The following COL4A5 variants were observed in gnomAD, a reference collection of about 807,000 sequenced individuals.
COL4A5 encodes collagen alpha-5(IV) chain.
Under a neutral mutation model 130.2 loss-of-function variants are expected in COL4A5, and 26 were observed. The ratio of observed to expected loss-of-function variants is 0.20; its 90% CI spans 0.15 to 0.28. The LOEUF (loss-of-function observed/expected upper bound fraction) is 0.28, where lower values mean the gene tolerates loss of function less well. Among genes scored for constraint, COL4A5 ranks in the 10% least tolerant of loss-of-function variants. The probability of loss-of-function intolerance (pLI) is 1.00; values close to 1 mark genes in which losing one functional copy is unlikely to be tolerated. For synonymous variants in COL4A5, 496 were observed against 439.6 expected (o/e 1.13, Z -1.60); for missense variants, 1,131 against 1,344.3 (o/e 0.84, Z 2.48).
rs367915851 is a variant in COL4A5, at chrX:108,647,301, C to T, written c.3247-8030C>T. ...CTCCTTGAAGAGGTCCTTCACATCC[C>T]TTGTAAGTTGGATTCCTAGGTATTT... is the stretch of plus-strand genomic sequence containing the variant. On this transcript the variant is annotated intron_variant, in intron 36 of 52. Transcript: ENST00000328300. Among the ~76,000 whole-genome samples, 656 of 111,299 alleles carry T rather than the reference C, an allele frequency of 5.9e-3. 2 individuals carry two copies. The highest frequency in any genetic ancestry group is 0.036 in the East Asian group (126 of 3,525).
chrX:108,657,635 A>G (rs746222239), intron 37 of COL4A5, among the ~76,000 whole-genome samples: 11 of 111,395 alleles, frequency 9.9e-5, no homozygotes, highest in Non-Finnish European at 1.5e-4. Context: ...CTCTCCATTT[A>G]TGTAGGTATT....
In COL4A5 at chrX:108,597,075, T is replaced by G. The variant is rs1433522213; in HGVS notation, c.1587+7T>G. The G allele has an allele frequency of 8.5e-7, 1 of 1,177,804 alleles. No individual in the cohort carries two copies. The highest frequency in any genetic ancestry group is 1.8e-5 in the South Asian group (1 of 54,105). ...TGGTCCCAAAGGATTACCAGTAAGT[T>G]TTGAGTATATTATAAAACAAAAAGA... On this transcript the variant is annotated splice_region_variant and intron_variant, in intron 23 of 52. Coordinates refer to ENST00000328300, the MANE Select transcript of COL4A5 (RefSeq NM_033380.3).
intron 47 of COL4A5, among the ~76,000 whole-genome samples, chrX:108,684,007 A>C (rs1443950737): frequency 9.0e-6 from 1 of 111,583 alleles, no homozygotes; most frequent in East Asian, 2.8e-4. Context: ...CATGCTCCTG[A>C]ATGACTACTG....
intron 1 of COL4A5, among the ~76,000 whole-genome samples, chrX:108,517,838 AT>A (rs1341825505): frequency 3.6e-5 from 4 of 110,558 alleles, no homozygotes; most frequent in East Asian, 2.8e-4. Context: ...TTTTCTAAGC[AT>A]TTTTTTTCTC....
intron 36 of COL4A5, among the ~76,000 whole-genome samples, chrX:108,653,439 A>T (rs1013806765): frequency 9.9e-5 from 11 of 111,019 alleles, no homozygotes; most frequent in African/African-American, 3.6e-4. Flanking sequence ...TGTTTATAGC[A>T]TGGATATGCT....
At chrX:108,574,451 A>G (rs189631870) in intron 9 of COL4A5, among the ~76,000 whole-genome samples, 1 of 111,981 alleles carries the variant, frequency 8.9e-6, no homozygotes, top group Non-Finnish European at 1.9e-5. Context: ...AGTGAACAAC[A>G]TTTAAGAGCT....
chrX:108,537,492 T>C (rs2065472769), intron 1 of COL4A5, among the ~76,000 whole-genome samples: 1 of 111,507 alleles, frequency 9.0e-6, no homozygotes, highest in African/African-American at 3.3e-5. Context: ...TAAATTATAT[T>C]AGGAGTTAGG....
chrX:108,586,470 G>C, intron 18 of COL4A5, 145 bp from the exon 19 acceptor site: 2 of 534,664 alleles, frequency 3.7e-6, no homozygotes, highest in Non-Finnish European at 6.3e-6. Context: ...CTAATCAGTT[G>C]GAGGATGGGA....
At chrX:108,605,407 TACA>T (rs2066713517) in intron 28 of COL4A5, among the ~76,000 whole-genome samples, 1 of 111,708 alleles carries the variant, frequency 9.0e-6, no homozygotes, top group South Asian at 3.8e-4. Context: ...GTCAGACATT[TACA>T]ACATTTTTTT....
At chrX:108,481,092 C>T (rs2147526424) in intron 1 of COL4A5, among the ~76,000 whole-genome samples, 1 of 110,754 alleles carries the variant, frequency 9.0e-6, no homozygotes, top group African/African-American at 3.3e-5. Flanking sequence ...GTCTGGGGAC[C>T]CTCTGGAACC....
chrX:108,584,530 G>T lies in COL4A5; in HGVS notation c.1032+5G>T, dbSNP rs104886315. 2 of 974,150 alleles carry T rather than the reference G, an allele frequency of 2.1e-6. No homozygotes were observed. The highest frequency in any genetic ancestry group is 2.0e-5 in the African/African-American group (1 of 48,785). The allele number at this position is 974,150 out of a possible 1,213,427, so 80.3% of individuals were successfully genotyped here. On this transcript the variant is annotated splice_donor_5th_base_variant and intron_variant, in intron 18 of 52. Coordinates refer to ENST00000328300, the MANE Select transcript of COL4A5 (RefSeq NM_033380.3). ...CCACCTGGACCTCCTGGACTTGTAA[G>T]TTTTTTTTTTTTAGTCTTCGTTTAT...
At chrX:108,573,798 A>T in intron 9 of COL4A5, 144 bp downstream of exon 9, 1 of 474,690 alleles carries the variant, frequency 2.1e-6, no homozygotes, top group East Asian at 3.7e-5. Flanking sequence ...TTCTACCTGA[A>T]AATAAAAGCA....
chrX:108,533,953 T>A (rs1475033067), intron 1 of COL4A5, among the ~76,000 whole-genome samples: 1 of 111,266 alleles, frequency 9.0e-6, no homozygotes, highest in East Asian at 2.8e-4. Context: ...TCAACATCGC[T>A]AATCATCAGA....
chrX:108,688,726 C>T (rs2068594944), intron 49 of COL4A5, among the ~76,000 whole-genome samples: 1 of 111,695 alleles, frequency 9.0e-6, no homozygotes, highest in Non-Finnish European at 1.9e-5. Flanking sequence ...TGAGCCACCG[C>T]ACCTGGCAGG....
chrX:108,622,266 G>A (rs1603297974), intron 32 of COL4A5, among the ~76,000 whole-genome samples: 2 of 110,805 alleles, frequency 1.8e-5, no homozygotes, highest in Admixed American at 1.9e-4. Flanking sequence ...GTAGCTGGGA[G>A]TACAGGCGCC....
chrX:108,617,060 C>G (rs1459948987), intron 30 of COL4A5, among the ~76,000 whole-genome samples: 1 of 110,406 alleles, frequency 9.1e-6, no homozygotes, highest in Non-Finnish European at 1.9e-5. Context: ...TTATTGAATT[C>G]ACTCTTAATA....
At chrX:108,445,164 A>G (rs1206763498) in intron 1 of COL4A5, among the ~76,000 whole-genome samples, 2 of 110,445 alleles carry the variant, frequency 1.8e-5, no homozygotes, top group Non-Finnish European at 3.8e-5. Context: ...CAACTCTCAA[A>G]TCTCCTGTCT....
chrX:108,548,868 A>G (rs758263180), intron 2 of COL4A5, among the ~76,000 whole-genome samples: 11 of 111,862 alleles, frequency 9.8e-5, no homozygotes, highest in Non-Finnish European at 1.9e-4. Flanking sequence ...CACAATTATT[A>G]TATACAGTTA....
Position 108,447,593 on chromosome X carries a change from T to A in COL4A5, c.81+7387T>A, listed in dbSNP as rs745845840. On this transcript the variant is annotated intron_variant, in intron 1 of 52. Coordinates refer to ENST00000328300, the MANE Select transcript of COL4A5 (RefSeq NM_033380.3). ...GGGATCTGCTCTTGCCAAATTACTT[T>A]CCAGAATGGTTTTACCAATTATACT... is the stretch of plus-strand genomic sequence containing the variant. 5.6e-4 allele frequency among the ~76,000 whole-genome samples: 63 copies of A among 112,058 alleles called. No individual in the cohort carries two copies. In the South Asian group the frequency reaches 8.2e-3, roughly 15 times the overall value.
Sources: gnomAD v4.1 joint callset for allele counts (sites outside exome capture counted in the v4.1 genomes callset) on GRCh38, gnomAD v4.1.1 for gene constraint, MANE v1.5 for transcripts, NCBI Gene and HGNC (gene_info 2026-07-23, HGNC 2026-07-21) for gene names.